RRP1: variants seen among roughly 807,000 people sequenced by gnomAD.
RRP1 encodes the protein ribosomal RNA processing protein 1 homolog A.
In RRP1, 37 loss-of-function variants were observed where a neutral mutation model predicts 54.6. The observed-to-expected ratio is 0.68, with a 90% CI of 0.52 to 0.89. The LOEUF (loss-of-function observed/expected upper bound fraction) is 0.89, where lower values mean the gene tolerates loss of function less well. RRP1 is among the 40% of genes least tolerant of loss of function. RRP1 has a pLI of 0.00. For synonymous variants in RRP1, 262 were observed against 244.3 expected (o/e 1.07, Z -0.67); for missense variants, 639 against 612.5 (o/e 1.04, Z -0.46).
intron 11 of RRP1, 25 bp from the exon 12 acceptor site, chr21:43,802,249 C>A: frequency 1.3e-6 from 2 of 1,575,384 alleles, no homozygotes; most frequent in Non-Finnish European, 1.7e-6. Context: ...CCCGAGAGCC[C>A]CCTGACTTCT....
chr21:43,789,710 G>A lies in RRP1; in HGVS notation c.81G>A (p.Arg27=), dbSNP rs759119620. The A allele has an allele frequency of 1.2e-5, 19 of 1,551,374 alleles. No homozygotes were observed. The Admixed American group carries it at 3.5e-4, about 28-fold the overall frequency. ...GGAATGAGCAGGTGACCCGGGACCG[G>A]GCGGTGAGGAAGCTCCGGAAATACA... ...LAGNEQVTRD[R]AVRKLRKYIV... is the part of the protein sequence containing the mutation. The change falls in exon 1 of 13, where the codon CGG becomes CGA. Residue 27 remains arginine, a synonymous_variant. Coordinates refer to ENST00000497547, the MANE Select transcript of RRP1 (RefSeq NM_003683.6).
At chr21:43,797,717 C>G (rs745800784) in intron 7 of RRP1, 22 bp downstream of exon 7, 33 of 1,612,010 alleles carry the variant, frequency 2.0e-5, no homozygotes, top group Middle Eastern at 1.6e-4. Context: ...GTGGCCTGAT[C>G]GGGCCCGACT....
chr21:43,797,566 C>T lies in RRP1; in HGVS notation c.552+15C>T, dbSNP rs957319242. ...GCGCCGAGGAGGTGAGGCTGGGCTC[C>T]GACGGGGCGGTGGAGCTGGGCGTTT... On this transcript the variant is annotated intron_variant, in intron 6 of 12. Transcript: ENST00000497547. 8 of 1,613,822 alleles carry T rather than the reference C, an allele frequency of 5.0e-6. No individual in the cohort carries two copies. Among genetic ancestry groups the T allele is most frequent in the South Asian group, 2.2e-5 (2 of 91,078 alleles).
At chr21:43,793,783 G>C (rs1323995910) in intron 4 of RRP1, among the ~76,000 whole-genome samples, 2 of 152,216 alleles carry the variant, frequency 1.3e-5, no homozygotes, top group Admixed American at 6.5e-5. Context: ...GCCCTGGAGT[G>C]CTTAGCCTGC....
rs901091942 is a variant in RRP1 at position 43,803,833 on chromosome 21, G to A, written c.*59G>A. 8.7e-6 allele frequency: 13 copies of A among 1,487,100 alleles called. No homozygotes were observed. The highest frequency in any genetic ancestry group is 1.1e-5 in the Non-Finnish European group (12 of 1,112,268). 92.1% of individuals were successfully genotyped at this position (1,487,100 alleles called of 1,614,324 possible). A position where few individuals can be genotyped will look rare whatever the true frequency, so the allele number is the denominator to read the frequency against. On this transcript the variant is annotated 3_prime_UTR_variant, in exon 13 of 13. Transcript: ENST00000497547. ...CCAGGCCTCGCTTGCACCGCGGGAC[G>A]AGGCTGACCGGGCTGTTCTGTAGAC... is the stretch of plus-strand genomic sequence containing the variant.
chr21:43,790,395 C>T (rs1357292611), intron 1 of RRP1: 1 of 152,930 alleles, frequency 6.5e-6, no homozygotes, highest in Non-Finnish European at 1.5e-5. Flanking sequence ...CCATTTCCAT[C>T]GCAAAAGAAA....
In RRP1 at chr21:43,797,433, A is replaced by T; in HGVS notation, c.434A>T (p.Glu145Val). 1.2e-6 allele frequency: 2 copies of T among 1,612,028 alleles called. No individual in the cohort carries two copies. The highest frequency in any genetic ancestry group is 1.7e-6 in the Non-Finnish European group (2 of 1,179,822). Residue 145 changes from glutamate to valine, a missense_variant, in exon 6 of 13, where the codon GAG becomes GTG. Coordinates refer to ENST00000497547, the MANE Select transcript of RRP1 (RefSeq NM_003683.6). The part of the protein sequence containing the change: ...MQGWEERQIE[E>V]LLELLMTEIL... ...TTTTCTTTCCTCAGACAGATCGAGG[A>T]GCTGCTAGAGCTGCTGATGACTGAG...
chr21:43,804,010 A>G lies in RRP1; in HGVS notation c.*236A>G, dbSNP rs1267126296. 1.0e-5 allele frequency: 5 copies of G among 500,094 alleles called. No homozygotes were observed. The highest frequency in any genetic ancestry group is 4.0e-5 in the Admixed American group (1 of 25,004). The allele number at this position is 500,094 out of a possible 1,614,324, so 31.0% of individuals were successfully genotyped here. On this transcript the variant is annotated 3_prime_UTR_variant, in exon 13 of 13. Coordinates refer to ENST00000497547, the MANE Select transcript of RRP1 (RefSeq NM_003683.6). The surrounding 1 kb of genome is among the most constrained non-coding windows in gnomAD (Gnocchi z 4.3). ...GTGATGACCTTGGGCCAGAAGGTCA[A>G]ACTCCGAAGACTGAAACTCTGCCTG...
chr21:43,791,199 G>T, intron 1 of RRP1, 151 bp from the exon 2 acceptor site: 1 of 778,826 alleles, frequency 1.3e-6, no homozygotes. Context: ...TAGAAGGATT[G>T]TTTGAAGGGG....
chr21:43,791,231 G>C (rs1478419334), intron 1 of RRP1, 119 bp from the exon 2 acceptor site: 22 of 1,015,314 alleles, frequency 2.2e-5, no homozygotes, highest in Middle Eastern at 4.1e-4. Context: ...CTGCCCCCCA[G>C]TTGCCTTTAC....
chr21:43,794,809 C>T (rs1274801340), intron 4 of RRP1, among the ~76,000 whole-genome samples: 1 of 152,216 alleles, frequency 6.6e-6, no homozygotes. Context: ...TTGCGGAGGG[C>T]TCCACCGCCC....
At chr21:43,798,950 C>T (rs894962342) in intron 8 of RRP1, among the ~76,000 whole-genome samples, 3 of 136,640 alleles carry the variant, frequency 2.2e-5, no homozygotes, top group African/African-American at 5.4e-5. Flanking sequence ...CTGTATGCTT[C>T]TCCCTGGTCT....
At chr21:43,789,786 G>A (rs950463638) in intron 1 of RRP1, 24 bp downstream of exon 1, 9 of 1,494,406 alleles carry the variant, frequency 6.0e-6, no homozygotes, top group Non-Finnish European at 8.0e-6. Flanking sequence ...TGGGCGGCTG[G>A]CGTCTCGGGG....
At chr21:43,801,606 G>A (rs1405354952) in intron 11 of RRP1, among the ~76,000 whole-genome samples, 2 of 152,214 alleles carry the variant, frequency 1.3e-5, no homozygotes, top group Non-Finnish European at 2.9e-5. Flanking sequence ...CCCAGTCGCT[G>A]GGACCACAGG....
Position 43,799,551 on chromosome 21 carries a change from G to T in RRP1, c.812-19G>T. 2 of 1,599,716 alleles carry T rather than the reference G, an allele frequency of 1.3e-6. No individual in the cohort carries two copies. Among genetic ancestry groups the T allele is most frequent in the Non-Finnish European group, 8.5e-7 (1 of 1,175,822 alleles). ...CACGTTGGGCACAGGTAGGGTTCACGGGGTCCCTTTTGTTCCAGGCTCCAT... is the reference window on the plus strand; with the variant it reads ...CACGTTGGGCACAGGTAGGGTTCACTGGGTCCCTTTTGTTCCAGGCTCCAT... On this transcript the variant is annotated intron_variant, in intron 8 of 12. Coordinates refer to ENST00000497547, the MANE Select transcript of RRP1 (RefSeq NM_003683.6).
intron 4 of RRP1, among the ~76,000 whole-genome samples, chr21:43,793,673 C>T (rs1232979016): frequency 1.3e-5 from 2 of 152,250 alleles, no homozygotes; most frequent in Non-Finnish European, 2.9e-5. Flanking sequence ...GACGATTGCT[C>T]TCCTGGTGAG....
chr21:43,798,409 C>A (rs2085046844), intron 8 of RRP1, among the ~76,000 whole-genome samples: 1 of 152,126 alleles, frequency 6.6e-6, no homozygotes. Flanking sequence ...GTCTCTCCGT[C>A]CCTCCCACCG....
At chr21:43,798,851 C>T (rs1438258735) in intron 8 of RRP1, among the ~76,000 whole-genome samples, 1 of 152,136 alleles carries the variant, frequency 6.6e-6, no homozygotes, top group Non-Finnish European at 1.5e-5. Flanking sequence ...CCCCAGTATG[C>T]CCCAAATCAG....
Position 43,789,615 on chromosome 21 carries a change from T to C in RRP1, c.-15T>C. 6.3e-7 allele frequency: 1 copy of C among 1,585,684 alleles called. No homozygotes were observed. Among genetic ancestry groups the C allele is most frequent in the Admixed American group, 1.7e-5 (1 of 57,150 alleles). Reference sequence around the variant, plus strand: ...CCAGGCGACTCCGGGACAGGGGGTCTCGGCCGTCGGCGTCATGGTTTCGCG... The same window carrying C: ...CCAGGCGACTCCGGGACAGGGGGTCCCGGCCGTCGGCGTCATGGTTTCGCG... On this transcript the variant is annotated 5_prime_UTR_variant, in exon 1 of 13. Transcript: ENST00000497547.
Sources: allele counts gnomAD v4.1 joint callset (sites outside exome capture counted in the v4.1 genomes callset), GRCh38; gene constraint gnomAD v4.1.1; non-coding constraint Gnocchi (gnomAD v3.1); transcripts MANE v1.5; gene names NCBI Gene and HGNC (gene_info 2026-07-23, HGNC 2026-07-21).